Variants in TTLL9 observed in about 807,000 individuals in gnomAD.
TTLL9 encodes the protein tubulin tyrosine ligase like 9, also known as probable tubulin polyglutamylase TTLL9.
Under a neutral mutation model 65.6 loss-of-function variants are expected in TTLL9, and 47 were observed. The observed-to-expected ratio is 0.72, with a 90% CI of 0.57 to 0.91. The LOEUF (loss-of-function observed/expected upper bound fraction) is 0.91. Ranked by LOEUF, TTLL9 falls within the 40% of genes least tolerant of loss-of-function variation. The probability of loss-of-function intolerance (pLI) is 0.00; values close to 1 mark genes in which losing one functional copy is unlikely to be tolerated. For missense variants in TTLL9, 537 were observed against 568.8 expected (o/e 0.94, Z 0.57); for synonymous variants, 179 against 204.8 (o/e 0.87, Z 1.07).
intron 3 of TTLL9, 134 bp from the exon 4 acceptor site, chr20:31,898,339 A>C: frequency 1.5e-6 from 1 of 654,508 alleles, no homozygotes. Flanking sequence ...TCATGCTCTA[A>C]TGCTAAATTC....
Position 31,937,421 on chromosome 20 carries a change from C to T in TTLL9, c.1030C>T (p.Pro344Ser). The T allele has an allele frequency of 6.2e-7, 1 of 1,613,796 alleles. No individual in the cohort carries two copies. Among genetic ancestry groups the T allele is most frequent in the South Asian group, 1.1e-5 (1 of 91,060 alleles). Residue 344 changes from proline (P) to serine (S), a missense_variant, in exon 13 of 15, where the codon CCA becomes TCA. Coordinates refer to ENST00000535842, the MANE Select transcript of TTLL9 (RefSeq NM_001008409.5). ...KPWLLEVNASPSLTASSQEDY... is the reference protein window; with the variant it reads ...KPWLLEVNASSSLTASSQEDY... Reference sequence around the variant, plus strand: ...GTGGCTCCTGGAGGTCAATGCGTCCCCATCACTGACAGCCAGCAGCCAGGA... The same window carrying T: ...GTGGCTCCTGGAGGTCAATGCGTCCTCATCACTGACAGCCAGCAGCCAGGA...
At chr20:31,934,257 A>G in intron 11 of TTLL9, 1 of 499,534 alleles carries the variant, frequency 2.0e-6, no homozygotes, top group Non-Finnish European at 3.9e-6. Flanking sequence ...GTCAAGGGCC[A>G]GATCAAGGGG....
chr20:31,938,957 A>T (rs888851642), intron 13 of TTLL9, among the ~76,000 whole-genome samples, 185 bp from the exon 14 acceptor site: 3 of 152,188 alleles, frequency 2.0e-5, no homozygotes, highest in Non-Finnish European at 4.4e-5. Context: ...CCTTGGGGGA[A>T]AAATGGGAAC....
chr20:31,887,329 C>T, intron 3 of TTLL9, 90 bp downstream of exon 3: 1 of 1,364,010 alleles, frequency 7.3e-7, no homozygotes, highest in East Asian at 2.3e-5. Context: ...TTTTCTACTT[C>T]AACAATTATA....
intron 13 of TTLL9, 145 bp from the exon 14 acceptor site, chr20:31,938,997 G>C: frequency 2.1e-6 from 2 of 956,826 alleles, no homozygotes; most frequent in Non-Finnish European, 1.4e-6. Context: ...TAGGCACCTG[G>C]GAAACAGCCA....
At chr20:31,889,979 T>TTTCC (rs2063265376) in intron 3 of TTLL9, among the ~76,000 whole-genome samples, 1 of 60,720 alleles carries the variant, frequency 1.6e-5, no homozygotes, top group Non-Finnish European at 3.0e-5. Flanking sequence ...TCTCTCTTTC[T>TTTCC]TTCTTTCTTT....
chr20:31,903,884 GT>G (rs2063512514), intron 4 of TTLL9, among the ~76,000 whole-genome samples: 1 of 152,150 alleles, frequency 6.6e-6, no homozygotes. Context: ...AATTTCACCA[GT>G]TTTTTTCCAC....
chr20:31,911,525 A>ACCCAGGCCT (rs1371141992), intron 6 of TTLL9, among the ~76,000 whole-genome samples: 1 of 152,174 alleles, frequency 6.6e-6, no homozygotes, highest in Non-Finnish European at 1.5e-5. Context: ...GCCAAGGTGT[A>ACCCAGGCCT]CCCAGGCCTC....
At chr20:31,937,273 TAG>T in intron 12 of TTLL9, 121 bp from the exon 13 acceptor site, 1 of 628,404 alleles carries the variant, frequency 1.6e-6, no homozygotes, top group Non-Finnish European at 2.8e-6. Context: ...AATAGAAAGG[TAG>T]AGAGAGTAGC....
intron 4 of TTLL9, among the ~76,000 whole-genome samples, chr20:31,902,345 C>G (rs1007127868): frequency 6.6e-6 from 1 of 152,150 alleles, no homozygotes; most frequent in East Asian, 1.9e-4. Context: ...GTTTTCAAGG[C>G]TCATCCATGT....
chr20:31,886,459 C>G (rs2063188844), intron 2 of TTLL9, among the ~76,000 whole-genome samples: 1 of 152,136 alleles, frequency 6.6e-6, no homozygotes, highest in African/African-American at 2.4e-5. Context: ...ATGAACATTG[C>G]TCTGAGTCTT....
chr20:31,880,385 C>T (rs932911980), intron 2 of TTLL9, among the ~76,000 whole-genome samples: 6 of 152,190 alleles, frequency 3.9e-5, no homozygotes, highest in African/African-American at 1.4e-4. Flanking sequence ...AGACAAACCT[C>T]TGCCCTCCAA....
At position 31,908,580 on chromosome 20, in the gene TTLL9, C is replaced by T; in HGVS notation, c.207-11C>T. 6.2e-7 allele frequency: 1 copy of T among 1,607,756 alleles called. No individual in the cohort carries two copies. Among genetic ancestry groups the T allele is most frequent in the Non-Finnish European group, 8.5e-7 (1 of 1,174,328 alleles). On this transcript the variant is annotated splice_polypyrimidine_tract_variant and intron_variant, in intron 4 of 14. Coordinates refer to ENST00000535842, the MANE Select transcript of TTLL9 (RefSeq NM_001008409.5). ...CCATGACCTTTATCCCCGCCCCCAC[C>T]CCACCCCCAGCGAAGGGGAGTGGGA...
At chr20:31,908,025 G>C (rs1267492072) in intron 4 of TTLL9, among the ~76,000 whole-genome samples, 1 of 152,144 alleles carries the variant, frequency 6.6e-6, no homozygotes, top group Non-Finnish European at 1.5e-5. Flanking sequence ...TTTGGAGCCG[G>C]CAGAGCTGGG....
intron 4 of TTLL9, among the ~76,000 whole-genome samples, chr20:31,904,187 C>T (rs2063516788): frequency 6.6e-6 from 1 of 152,134 alleles, no homozygotes; most frequent in Non-Finnish European, 1.5e-5. Flanking sequence ...GTGACAGTAC[C>T]TTGATTGACC....
In TTLL9 at chr20:31,870,862, C is replaced by A; in HGVS notation, c.-93C>A. The stretch of plus-strand genomic sequence containing the variant: ...CCGGGGGAAAGCACCCAACTTCTCC[C>A]GCCTCGGCTTCTAGCAGAAACGTGA... On this transcript the variant is annotated 5_prime_UTR_variant, in exon 1 of 15. Coordinates refer to ENST00000535842, the MANE Select transcript of TTLL9 (RefSeq NM_001008409.5). This position sits in a 1 kb window ranked among gnomAD's most constrained non-coding sequence, Gnocchi z 6.6. 1 of 544,468 alleles carries A rather than the reference C, an allele frequency of 1.8e-6. No individual in the cohort carries two copies. The highest frequency in any genetic ancestry group is 3.3e-5 in the Admixed American group (1 of 29,964). The allele number at this position is 544,468 out of a possible 1,614,324, so 33.7% of individuals were successfully genotyped here. A position where few individuals can be genotyped will look rare whatever the true frequency, so the allele number is the denominator to read the frequency against.
At chr20:31,874,978 A>G (rs1384055581) in intron 2 of TTLL9, among the ~76,000 whole-genome samples, 1 of 152,194 alleles carries the variant, frequency 6.6e-6, no homozygotes, top group Non-Finnish European at 1.5e-5. Context: ...ATTTTAGCCC[A>G]GTGAGACCCA....
intron 10 of TTLL9, among the ~76,000 whole-genome samples, chr20:31,928,471 A>C (rs1387307072): frequency 6.6e-6 from 1 of 151,528 alleles, no homozygotes; most frequent in African/African-American, 2.4e-5. Context: ...ATCACAAAAT[A>C]ATAAACATTT....
At chr20:31,873,374 C>T (rs746891250) in intron 2 of TTLL9, among the ~76,000 whole-genome samples, 1 of 152,116 alleles carries the variant, frequency 6.6e-6, no homozygotes, top group Admixed American at 6.6e-5. Flanking sequence ...TGATGCTGGG[C>T]GTGGTGGCTC....
Sources: gnomAD v4.1 joint callset for allele counts (sites outside exome capture counted in the v4.1 genomes callset) on GRCh38, gnomAD v4.1.1 for gene constraint, Gnocchi (gnomAD v3.1) non-coding constraint, MANE v1.5 for transcripts, NCBI Gene and HGNC (gene_info 2026-07-23, HGNC 2026-07-21) for gene names.